NRG1: variants seen among roughly 807,000 people sequenced by gnomAD.
NRG1 encodes neuregulin 1.
A neutral mutation model predicts 63.8 loss-of-function variants in NRG1; 18 were observed. The ratio of observed to expected loss-of-function variants is 0.28; its 90% confidence interval spans 0.19 to 0.42. The LOEUF is 0.42. Among genes scored for constraint, NRG1 ranks in the 10% least tolerant of loss-of-function variants. The pLI is 1.00. For synonymous variants in NRG1, 302 were observed against 301.3 expected, an observed-to-expected ratio of 1.00 and a Z score of -0.02; for missense variants, 762 against 814.7, an observed-to-expected ratio of 0.94 and a Z score of 0.79.
chr8:31,831,844 A>C (rs1317406053), intron 1 of NRG1, among the ~76,000 whole-genome samples: 1 of 152,172 alleles, frequency 6.6e-6, no homozygotes, highest in Non-Finnish European at 1.5e-5. Flanking sequence ...ACTCACTCAG[A>C]GACCACCTAG....
At chr8:32,649,713 G>T (rs567558712) in intron 5 of NRG1, among the ~76,000 whole-genome samples, 2 of 151,270 alleles carry the variant, frequency 1.3e-5, no homozygotes, top group Admixed American at 1.3e-4. Flanking sequence ...AAGATTTAAA[G>T]AAAAAAAAAG....
chr8:32,152,577 A>T (rs2131837000), intron 1 of NRG1, among the ~76,000 whole-genome samples: 1 of 152,318 alleles, frequency 6.6e-6, no homozygotes, highest in South Asian at 2.1e-4. Context: ...TGTAATTCAC[A>T]CATCAATATA....
At chr8:32,735,334 T>A (rs1278443668) in intron 6 of NRG1, among the ~76,000 whole-genome samples, 1 of 152,180 alleles carries the variant, frequency 6.6e-6, no homozygotes, top group Non-Finnish European at 1.5e-5. Flanking sequence ...TTTAGCTAGA[T>A]TGATTTAATT....
At chr8:32,353,023 T>C (rs1171253904) in intron 1 of NRG1, among the ~76,000 whole-genome samples, 2 of 150,432 alleles carry the variant, frequency 1.3e-5, no homozygotes, top group East Asian at 3.9e-4. Context: ...GTTAAAAACA[T>C]TATTCTGATT....
chr8:32,021,801 C>A (rs1453251626), intron 1 of NRG1, among the ~76,000 whole-genome samples: 1 of 152,284 alleles, frequency 6.6e-6, no homozygotes, highest in African/African-American at 2.4e-5. Flanking sequence ...AAATAGAATG[C>A]AAATTAATAT....
intron 1 of NRG1, among the ~76,000 whole-genome samples, chr8:32,436,990 G>A (rs906682241): frequency 1.3e-5 from 2 of 151,758 alleles, no homozygotes; most frequent in Admixed American, 1.3e-4. Context: ...ATGTTTCCTG[G>A]CCAGGCAGGT....
At chr8:32,492,323 T>C (rs1458205982) in intron 1 of NRG1, among the ~76,000 whole-genome samples, 1 of 152,176 alleles carries the variant, frequency 6.6e-6, no homozygotes, top group Non-Finnish European at 1.5e-5. Flanking sequence ...TCAGCTGACC[T>C]GTGTGACATT....
intron 1 of NRG1, among the ~76,000 whole-genome samples, chr8:31,913,264 A>G (rs1490140499): frequency 6.6e-6 from 1 of 152,120 alleles, no homozygotes; most frequent in Non-Finnish European, 1.5e-5. Context: ...TCTATGTCCT[A>G]TTTATAAGTG....
chr8:31,993,621 C>A (rs1228765666), intron 1 of NRG1, among the ~76,000 whole-genome samples: 1 of 152,094 alleles, frequency 6.6e-6, no homozygotes, highest in South Asian at 2.1e-4. Flanking sequence ...AATGTGAGGC[C>A]TCCCCAGCCA....
intron 1 of NRG1, among the ~76,000 whole-genome samples, chr8:32,185,267 G>T (rs1841857813): frequency 6.6e-6 from 1 of 152,102 alleles, no homozygotes; most frequent in African/African-American, 2.4e-5. Context: ...TCTGTAAACA[G>T]GTAACAGGGT....
At chr8:32,424,896 C>A (rs1022946488) in intron 1 of NRG1, among the ~76,000 whole-genome samples, 9 of 151,336 alleles carry the variant, frequency 5.9e-5, no homozygotes, top group East Asian at 1.9e-4. Context: ...AACAAACAAA[C>A]AAAAAAACAA....
chr8:32,660,605 G>A (rs1310355725), intron 5 of NRG1, among the ~76,000 whole-genome samples: 2 of 152,172 alleles, frequency 1.3e-5, no homozygotes, highest in Admixed American at 1.3e-4. Context: ...ATAGTATGGT[G>A]ATTAAGAGCA....
At chr8:32,740,427 C>A (rs560147041) in intron 6 of NRG1, among the ~76,000 whole-genome samples, 1 of 152,130 alleles carries the variant, frequency 6.6e-6, no homozygotes, top group African/African-American at 2.4e-5. Flanking sequence ...AACACCTGAC[C>A]TTGTTGTGAT....
chr8:32,417,364 T>G (rs941126303), intron 1 of NRG1, among the ~76,000 whole-genome samples: 4 of 152,200 alleles, frequency 2.6e-5, no homozygotes, highest in African/African-American at 7.2e-5. Context: ...AATAAGATAC[T>G]GCTGCAGGTA....
At chr8:32,126,259 G>A (rs944204293) in intron 1 of NRG1, among the ~76,000 whole-genome samples, 7 of 151,834 alleles carry the variant, frequency 4.6e-5, no homozygotes, top group Non-Finnish European at 7.4e-5. Flanking sequence ...TGTTGACATA[G>A]TATGATAGAA....
At chr8:32,604,744 C>A (rs1380336601) in intron 2 of NRG1, among the ~76,000 whole-genome samples, 1 of 152,036 alleles carries the variant, frequency 6.6e-6, no homozygotes, top group African/African-American at 2.4e-5. Flanking sequence ...TAGAATAATT[C>A]TTTAGAAAGA....
chr8:32,366,677 G>GTATATATATATATA lies in NRG1; in HGVS notation c.38-229127_38-229114dup, dbSNP rs71208175. Among the ~76,000 whole-genome samples, 274 of 87,260 alleles carry GTATATATATATATA rather than the reference G, an allele frequency of 3.1e-3. 2 individuals carry two copies. Among genetic ancestry groups the GTATATATATATATA allele is most frequent in the Non-Finnish European group, 4.7e-3 (210 of 44,606 alleles). The allele number at this position is 87,260 out of a possible 152,430, so 57.2% of individuals were successfully genotyped here. ...ATTGTGTGTGTGTGTGTGTGTGTGTGTATATATATATATATATATATATAT... is the reference window on the plus strand; with the variant it reads ...ATTGTGTGTGTGTGTGTGTGTGTGTGTATATATATATATATATATATATATATATATATATATAT... On this transcript the variant is annotated intron_variant, in intron 1 of 10. Transcript: ENST00000519301.
intron 1 of NRG1, among the ~76,000 whole-genome samples, chr8:32,476,097 C>T (rs1824484673): frequency 6.6e-6 from 1 of 151,624 alleles, no homozygotes; most frequent in Non-Finnish European, 1.5e-5. Flanking sequence ...GAAGGACACA[C>T]AGATACATAA....
chr8:32,638,159 GT>G (rs1851674206), intron 5 of NRG1, among the ~76,000 whole-genome samples: 1 of 152,074 alleles, frequency 6.6e-6, no homozygotes, highest in East Asian at 1.9e-4. Flanking sequence ...CTCTAAGCAG[GT>G]TTTTTGTTTG....
Sources: allele counts gnomAD v4.1 joint callset (sites outside exome capture counted in the v4.1 genomes callset), GRCh38; gene constraint gnomAD v4.1.1; transcripts MANE v1.5; gene names NCBI Gene and HGNC (gene_info 2026-07-23, HGNC 2026-07-21).